Variants in FAM13A observed in about 807,000 individuals in gnomAD.
FAM13A encodes family with sequence similarity 13 member A.
Under a neutral mutation model 129.6 loss-of-function variants are expected in FAM13A, and 76 were observed. The observed-to-expected ratio is 0.59, with a 90% CI of 0.49 to 0.71. FAM13A has a LOEUF of 0.71. FAM13A is among the 30% of genes least tolerant of loss of function. The pLI, the probability that FAM13A is intolerant of heterozygous loss-of-function variation, is 0.00. For missense variants in FAM13A, 1,108 were observed against 1,249.3 expected, an observed-to-expected ratio of 0.89 and a Z score of 1.70; for synonymous variants, 443 against 449.9, an observed-to-expected ratio of 0.98 and a Z score of 0.20.
chr4:88,781,098 T>A (rs1722753860), intron 11 of FAM13A, 67 bp downstream of exon 11: 2 of 1,162,096 alleles, frequency 1.7e-6, no homozygotes, highest in Non-Finnish European at 1.2e-6. Flanking sequence ...TTTAATTTTT[T>A]TACAAAGCAA....
intron 6 of FAM13A, among the ~76,000 whole-genome samples, chr4:88,893,456 TACTAAAAATACAAAAAATTAGCTGGG>T: frequency 6.6e-6 from 1 of 152,138 alleles, no homozygotes; most frequent in African/African-American, 2.4e-5. Context: ...AACCCCGTCT[TACTAAAAATACAAAAAATTAGCTGGG>T]CGTGGTGGCG....
intron 3 of FAM13A, among the ~76,000 whole-genome samples, chr4:89,007,528 G>A (rs569763376): frequency 3.3e-5 from 5 of 152,202 alleles, no homozygotes; most frequent in Admixed American, 2.6e-4. Context: ...ACAACTTCCC[G>A]AGACCTTGAA....
Position 88,987,501 on chromosome 4 carries a change from G to C in FAM13A, c.605+3472C>G, listed in dbSNP as rs141191481. Among the ~76,000 whole-genome samples, 703 of 152,180 alleles carry C rather than the reference G, an allele frequency of 4.6e-3. 9 individuals carry two copies. The highest frequency in any genetic ancestry group is 0.016 in the African/African-American group (674 of 41,480). The stretch of plus-strand genomic sequence containing the variant: ...GTGTGAGACAACTTAACATTACATG[G>C]CTTCTAATCGGATGCAACATTAAGG... On this transcript the variant is annotated intron_variant, in intron 4 of 23. Transcript: ENST00000264344.
intron 6 of FAM13A, among the ~76,000 whole-genome samples, chr4:88,883,579 C>T (rs1579106569): frequency 6.6e-6 from 1 of 152,078 alleles, no homozygotes; most frequent in East Asian, 1.9e-4. Flanking sequence ...AACAAAGAGA[C>T]AATCTAAGGT....
At chr4:88,928,144 G>A (rs890409454) in intron 5 of FAM13A, among the ~76,000 whole-genome samples, 5 of 152,046 alleles carry the variant, frequency 3.3e-5, no homozygotes, top group Non-Finnish European at 7.4e-5. Context: ...TATAGTTTCT[G>A]AAGTTCCTTT....
chr4:88,910,681 C>T (rs1213995614), intron 5 of FAM13A, among the ~76,000 whole-genome samples: 2 of 149,648 alleles, frequency 1.3e-5, no homozygotes, highest in African/African-American at 4.9e-5. Context: ...GATGGAGTCT[C>T]GCTCTGTCAC....
chr4:88,778,476 A>AG (rs903610560), intron 11 of FAM13A, among the ~76,000 whole-genome samples: 5 of 152,154 alleles, frequency 3.3e-5, no homozygotes, highest in African/African-American at 1.2e-4. Context: ...GCACAACTCC[A>AG]GGGGGAACCA....
At chr4:88,903,969 G>A (rs1439655417) in intron 6 of FAM13A, among the ~76,000 whole-genome samples, 2 of 152,138 alleles carry the variant, frequency 1.3e-5, no homozygotes, top group African/African-American at 2.4e-5. Flanking sequence ...GACATGAACA[G>A]GCACTTCTCA....
At chr4:89,046,281 G>A (rs1302849401) in intron 1 of FAM13A, among the ~76,000 whole-genome samples, 2 of 151,992 alleles carry the variant, frequency 1.3e-5, no homozygotes, top group Non-Finnish European at 2.9e-5. Context: ...AAGAAGAAAT[G>A]AAAAACCTGG....
Position 88,731,412 on chromosome 4 carries a change from G to A in FAM13A, c.2860C>T (p.His954Tyr), listed in dbSNP as rs1316846324. The A allele has an allele frequency of 6.3e-7, 1 of 1,596,374 alleles. No individual in the cohort carries two copies. Residue 954 changes from histidine to tyrosine, a missense_variant, in exon 23 of 24, where the codon CAC becomes TAC. By Grantham distance (83) the His-to-Tyr change is moderately conservative. Coordinates refer to ENST00000264344, the MANE Select transcript of FAM13A (RefSeq NM_014883.4). ...HAASIPELLE[H>Y]LQEMREEKKR... ...TTTTCTTCTCTCATTTCCTGGAGGT[G>A]TTCCAGGAGTTCAGGTCTAAGAGAG...
intron 14 of FAM13A, among the ~76,000 whole-genome samples, chr4:88,752,106 C>A (rs1742750836): frequency 6.6e-6 from 1 of 152,162 alleles, no homozygotes; most frequent in South Asian, 2.1e-4. Flanking sequence ...AAATGGCTAC[C>A]AGCACGCAGG....
At chr4:88,959,955 C>G (rs1758358179) in intron 4 of FAM13A, among the ~76,000 whole-genome samples, 1 of 152,140 alleles carries the variant, frequency 6.6e-6, no homozygotes, top group South Asian at 2.1e-4. Flanking sequence ...GCATCCTTAC[C>G]CTTCCATTAT....
At chr4:89,029,353 G>A (rs1458031325) in intron 2 of FAM13A, 107 bp downstream of exon 2, 6 of 856,888 alleles carry the variant, frequency 7.0e-6, no homozygotes, top group African/African-American at 1.7e-5. Flanking sequence ...TCTAATGAAG[G>A]TGCTTTAGAG....
At chr4:88,825,496 C>A (rs932867074) in intron 7 of FAM13A, among the ~76,000 whole-genome samples, 1 of 152,136 alleles carries the variant, frequency 6.6e-6, no homozygotes, top group Non-Finnish European at 1.5e-5. Flanking sequence ...AGATTACAGG[C>A]GGAGCCACTA....
At chr4:88,788,244 G>T (rs1009610534) in intron 9 of FAM13A, among the ~76,000 whole-genome samples, 2 of 152,058 alleles carry the variant, frequency 1.3e-5, no homozygotes, top group Non-Finnish European at 2.9e-5. Context: ...ATCAATATAA[G>T]GAAGAATGAG....
At chr4:88,981,822 T>A (rs1196773578) in intron 4 of FAM13A, among the ~76,000 whole-genome samples, 1 of 151,974 alleles carries the variant, frequency 6.6e-6, no homozygotes, top group Admixed American at 6.6e-5. Context: ...GATGAAGAAA[T>A]GTGTTCCATG....
At chr4:88,779,160 G>T (rs1361828082) in intron 11 of FAM13A, among the ~76,000 whole-genome samples, 1 of 152,124 alleles carries the variant, frequency 6.6e-6, no homozygotes, top group Admixed American at 6.5e-5. Flanking sequence ...GGCAGGAATT[G>T]TTACCTGTTT....
chr4:88,735,905 A>T (rs1738887862), intron 21 of FAM13A, among the ~76,000 whole-genome samples: 1 of 152,232 alleles, frequency 6.6e-6, no homozygotes, highest in Non-Finnish European at 1.5e-5. Flanking sequence ...TCTTTTATAA[A>T]AAAGAGCATC....
intron 23 of FAM13A, 44 bp downstream of exon 23, chr4:88,731,283 G>A (rs748202885): frequency 1.7e-5 from 18 of 1,067,384 alleles, no homozygotes; most frequent in South Asian, 1.2e-4. Context: ...GGGTGTGTGT[G>A]GTGCGGCGGG....
Sources: allele counts gnomAD v4.1 joint callset (sites outside exome capture counted in the v4.1 genomes callset), GRCh38; gene constraint gnomAD v4.1.1; transcripts MANE v1.5; gene names NCBI Gene and HGNC (gene_info 2026-07-23, HGNC 2026-07-21).